Variants in SLC16A14 observed in about 807,000 individuals in gnomAD.
SLC16A14 encodes the protein solute carrier family 16 member 14, also known as monocarboxylate transporter 14.
Under a neutral mutation model 35.8 loss-of-function variants are expected in SLC16A14, and 14 were observed. The observed-to-expected ratio is 0.39, with a 90% confidence interval of 0.26 to 0.61. The LOEUF (loss-of-function observed/expected upper bound fraction) is 0.61. Ranked by LOEUF, SLC16A14 falls within the 20% of genes least tolerant of loss-of-function variation. The probability of loss-of-function intolerance (pLI) is 0.51; values close to 1 mark genes in which losing one functional copy is unlikely to be tolerated. For missense variants in SLC16A14, 533 were observed against 655.0 expected, an observed-to-expected ratio of 0.81 and a Z score of 2.03; for synonymous variants, 248 against 258.9, an observed-to-expected ratio of 0.96 and a Z score of 0.40.
chr2:230,060,462 C>G (rs191578619), intron 1 of SLC16A14, among the ~76,000 whole-genome samples: 1 of 152,120 alleles, frequency 6.6e-6, no homozygotes, highest in African/African-American at 2.4e-5. Flanking sequence ...CCCACTTCAG[C>G]CTCCTGAATA....
At position 230,059,174 on chromosome 2, in the gene SLC16A14, T is replaced by C. The variant is rs2077730875; in HGVS notation, c.179A>G (p.Glu60Gly). 4 of 1,614,074 alleles carry C rather than the reference T, an allele frequency of 2.5e-6. No individual in the cohort carries two copies. Among genetic ancestry groups the C allele is most frequent in the Non-Finnish European group, 3.4e-6 (4 of 1,180,046 alleles). ...SQMALGVLNVEWLEEFHQSRG... is the reference protein window; with the variant it reads ...SQMALGVLNVGWLEEFHQSRG... Reference sequence around the variant, plus strand: ...GCTCTGGTGGAATTCTTCCAGCCATTCCACGTTGAGGACACCCAGGGCCAT... The same window carrying C: ...GCTCTGGTGGAATTCTTCCAGCCATCCCACGTTGAGGACACCCAGGGCCAT... Residue 60 changes from glutamate (E) to glycine (G), a missense_variant, in exon 2 of 5, where the codon GAA becomes GGA. Transcript: ENST00000295190.
At chr2:230,056,107 T>G (rs925882772) in intron 2 of SLC16A14, among the ~76,000 whole-genome samples, 3 of 152,186 alleles carry the variant, frequency 2.0e-5, no homozygotes, top group African/African-American at 7.2e-5. Flanking sequence ...TACATAATGG[T>G]GCCTTTATTT....
chr2:230,064,146 G>T (rs994910714), intron 1 of SLC16A14, among the ~76,000 whole-genome samples: 5 of 151,154 alleles, frequency 3.3e-5, no homozygotes, highest in African/African-American at 1.2e-4. Context: ...TGTATTATAA[G>T]AAAATAAAAG....
chr2:230,046,220 C>T lies in SLC16A14; in HGVS notation c.906G>A (p.Ser302=), dbSNP rs10199878. 6,579 of 1,614,164 alleles carry T rather than the reference C, an allele frequency of 4.1e-3. 216 individuals are homozygous for T. The African/African-American group carries it at 0.077, about 19-fold the overall frequency. The change falls in exon 4 of 5, where the codon TCG becomes TCA. Residue 302 remains serine (S), a synonymous_variant. Transcript: ENST00000295190. This position sits in a 1 kb window ranked among gnomAD's most constrained non-coding sequence, Gnocchi z 5.0. ...ATAGAGAGGCTGTCCCAAAGTAGCC[C>T]GAATACCAGTCCTCGAAGCCCTTCC... The part of the protein sequence containing the change: ...RVRKGFEDWY[S]GYFGTASLFT...
In SLC16A14 at chr2:230,037,596, A is replaced by G. The variant is rs1198068777; in HGVS notation, c.1382-65T>C. 30 of 1,360,692 alleles carry G rather than the reference A, an allele frequency of 2.2e-5. 1 individual carries two copies. Among genetic ancestry groups the G allele is most frequent in the Non-Finnish European group, 2.9e-5 (29 of 1,014,654 alleles). 84.3% of individuals were successfully genotyped at this position (1,360,692 alleles called of 1,614,324 possible). On this transcript the variant is annotated intron_variant, in intron 4 of 4. Coordinates refer to ENST00000295190, the MANE Select transcript of SLC16A14 (RefSeq NM_152527.5). ...GATACAATGAAAGTGAAGAACATGA[A>G]GCAGGCATTTATTGCTGCTGTACAT...
intron 1 of SLC16A14, among the ~76,000 whole-genome samples, chr2:230,067,488 C>T (rs2106286238): frequency 6.6e-6 from 1 of 151,930 alleles, no homozygotes; most frequent in East Asian, 1.9e-4. Context: ...GGATCCCAAG[C>T]CTGTTTTACC....
intron 1 of SLC16A14, among the ~76,000 whole-genome samples, chr2:230,061,203 T>C (rs1017236312): frequency 6.6e-6 from 1 of 152,236 alleles, no homozygotes; most frequent in Admixed American, 6.5e-5. Flanking sequence ...AAATCATCAC[T>C]ACATGCCAGC....
intron 2 of SLC16A14, among the ~76,000 whole-genome samples, chr2:230,054,261 T>C (rs910761044): frequency 1.3e-5 from 2 of 152,076 alleles, no homozygotes; most frequent in Non-Finnish European, 2.9e-5. Context: ...CTGTAGATAC[T>C]GTGAAAAGAA....
rs1012709624 is a variant in SLC16A14, at chr2:230,046,212, A to C, written c.914T>G (p.Phe305Cys). Residue 305 changes from phenylalanine to cysteine, a missense_variant, in exon 4 of 5, where the codon TTT becomes TGT. By Grantham distance (205) the Phe-to-Cys change is radical (BLOSUM62 -2). Transcript: ENST00000295190. The surrounding 1 kb of genome is among the most constrained non-coding windows in gnomAD (Gnocchi z 5.0). ...ATTTGTAAATAGAGAGGCTGTCCCA[A>C]AGTAGCCCGAATACCAGTCCTCGAA... ...KGFEDWYSGY[F>C]GTASLFTNRM... 4 of 1,614,136 alleles carry C rather than the reference A, an allele frequency of 2.5e-6. No individual in the cohort carries two copies. Among genetic ancestry groups the C allele is most frequent in the Non-Finnish European group, 3.4e-6 (4 of 1,180,048 alleles).
intron 4 of SLC16A14, among the ~76,000 whole-genome samples, chr2:230,042,986 G>C (rs1236031599): frequency 6.6e-6 from 1 of 152,172 alleles, no homozygotes; most frequent in Admixed American, 6.5e-5. Flanking sequence ...TCCAGTCCCT[G>C]AACTCTATAT....
In SLC16A14 at chr2:230,068,670, C is replaced by G. The variant is rs1214175110; in HGVS notation, c.-130G>C. 2 of 152,656 alleles carry G rather than the reference C, an allele frequency of 1.3e-5. No individual in the cohort carries two copies. Among genetic ancestry groups the G allele is most frequent in the African/African-American group, 4.8e-5 (2 of 41,430 alleles). The allele number at this position is 152,656 out of a possible 1,614,324, so 9.5% of individuals were successfully genotyped here. On this transcript the variant is annotated 5_prime_UTR_variant, in exon 1 of 5. Coordinates refer to ENST00000295190, the MANE Select transcript of SLC16A14 (RefSeq NM_152527.5). This position sits in a 1 kb window ranked among gnomAD's most constrained non-coding sequence, Gnocchi z 5.1. ...GTGTAGAGATTTGTTGCAATGTCGCCTATCATCCTGGAGACGCGGGTGCCT... is the reference window on the plus strand; with the variant it reads ...GTGTAGAGATTTGTTGCAATGTCGCGTATCATCCTGGAGACGCGGGTGCCT...
At chr2:230,062,402 G>A (rs1039084902) in intron 1 of SLC16A14, among the ~76,000 whole-genome samples, 1 of 145,552 alleles carries the variant, frequency 6.9e-6, no homozygotes, top group African/African-American at 2.6e-5. Context: ...AGGCTGGAGT[G>A]CAGTGGCGTA....
At chr2:230,056,527 A>T (rs2077706573) in intron 2 of SLC16A14, among the ~76,000 whole-genome samples, 1 of 152,038 alleles carries the variant, frequency 6.6e-6, no homozygotes, top group African/African-American at 2.4e-5. Flanking sequence ...AAGTGCTGGG[A>T]TTATAGACGT....
At chr2:230,065,294 T>C (rs1283758693) in intron 1 of SLC16A14, among the ~76,000 whole-genome samples, 1 of 152,156 alleles carries the variant, frequency 6.6e-6, no homozygotes, top group Non-Finnish European at 1.5e-5. Flanking sequence ...TCTTACTCTG[T>C]TGTCCAGGCT....
intron 3 of SLC16A14, among the ~76,000 whole-genome samples, chr2:230,048,612 G>A (rs1420032810): frequency 6.6e-6 from 1 of 152,108 alleles, no homozygotes; most frequent in African/African-American, 2.4e-5. Flanking sequence ...TTATGAATTT[G>A]AACAGGGCTA....
At chr2:230,065,437 T>A (rs2077786623) in intron 1 of SLC16A14, among the ~76,000 whole-genome samples, 1 of 152,152 alleles carries the variant, frequency 6.6e-6, no homozygotes, top group South Asian at 2.1e-4. Flanking sequence ...TGTATTTTTG[T>A]AGAGATGGAG....
intron 4 of SLC16A14, among the ~76,000 whole-genome samples, chr2:230,039,791 G>A (rs1053564027): frequency 3.9e-5 from 6 of 152,116 alleles, no homozygotes; most frequent in Non-Finnish European, 7.3e-5. Context: ...ACAGCTGAAC[G>A]GCTTGTTTCA....
chr2:230,062,080 T>C (rs900767565), intron 1 of SLC16A14, among the ~76,000 whole-genome samples: 2 of 152,166 alleles, frequency 1.3e-5, no homozygotes, highest in Non-Finnish European at 2.9e-5. Context: ...TTAATTATTT[T>C]AACACAGAAG....
intron 3 of SLC16A14, among the ~76,000 whole-genome samples, chr2:230,048,696 G>C (rs1256052911): frequency 6.6e-6 from 1 of 152,118 alleles, no homozygotes; most frequent in Non-Finnish European, 1.5e-5. Context: ...GGCTAAGGCA[G>C]GTGGATCACC....
Sources: allele counts gnomAD v4.1 joint callset (sites outside exome capture counted in the v4.1 genomes callset), GRCh38; gene constraint gnomAD v4.1.1; non-coding constraint Gnocchi (gnomAD v3.1); transcripts MANE v1.5; gene names NCBI Gene and HGNC (gene_info 2026-07-23, HGNC 2026-07-21).